The following ME1 variants were observed in gnomAD, a reference collection of about 807,000 sequenced individuals.
The protein encoded by ME1 is NADP-dependent malic enzyme.
Under a neutral mutation model 66.4 loss-of-function variants are expected in ME1, and 74 were observed. The ratio of observed to expected loss-of-function variants is 1.11; its 90% CI spans 0.92 to 1.35. ME1 has a LOEUF of 1.35. ME1 is among the 40% of genes most tolerant of loss of function. The pLI is 0.00. For missense variants in ME1, 750 were observed against 694.1 expected, an observed-to-expected ratio of 1.08 and a Z score of -0.90; for synonymous variants, 251 against 235.6, an observed-to-expected ratio of 1.07 and a Z score of -0.60.
At chr6:83,265,348 G>A (rs917959446) in intron 6 of ME1, among the ~76,000 whole-genome samples, 31 of 152,070 alleles carry the variant, frequency 2.0e-4, no homozygotes, top group Non-Finnish European at 4.4e-5. Flanking sequence ...CCAGACTGGA[G>A]TGCAGTGGCA....
At chr6:83,357,927 C>CTATA (rs1768924387) in intron 3 of ME1, among the ~76,000 whole-genome samples, 3 of 58,334 alleles carry the variant, frequency 5.1e-5, no homozygotes, top group Non-Finnish European at 6.9e-5. Flanking sequence ...CTCTCTCTCT[C>CTATA]TCTCTCTCTA....
chr6:83,319,885 T>C (rs1768118956), intron 5 of ME1, among the ~76,000 whole-genome samples: 1 of 152,228 alleles, frequency 6.6e-6, no homozygotes, highest in Non-Finnish European at 1.5e-5. Context: ...ATGGTGGTTA[T>C]TCTGTCCCTG....
chr6:83,237,669 A>T, intron 9 of ME1, 48 bp downstream of exon 9: 1 of 1,063,924 alleles, frequency 9.4e-7, no homozygotes, highest in Non-Finnish European at 1.4e-6. Context: ...ATGGCCATCC[A>T]GAATGGCATA....
At chr6:83,244,208 T>C (rs1410642765) in intron 7 of ME1, among the ~76,000 whole-genome samples, 1 of 151,798 alleles carries the variant, frequency 6.6e-6, no homozygotes. Flanking sequence ...AGAGAAGGAA[T>C]CCAAAGAGAC....
chr6:83,408,066 CTCAGTT>C (rs1044894858), intron 1 of ME1, among the ~76,000 whole-genome samples, 165 bp from the exon 2 acceptor site: 3 of 152,166 alleles, frequency 2.0e-5, no homozygotes, highest in African/African-American at 7.2e-5. Context: ...CTCTCCATAT[CTCAGTT>C]TCCCTATCTG....
At chr6:83,406,348 T>C (rs574787822) in intron 2 of ME1, among the ~76,000 whole-genome samples, 18 of 152,316 alleles carry the variant, frequency 1.2e-4, no homozygotes, top group African/African-American at 4.1e-4. Flanking sequence ...CTTCATAAAA[T>C]GAGTTAGGGA....
At chr6:83,385,119 AACTGTC>A (rs1395795246) in intron 3 of ME1, among the ~76,000 whole-genome samples, 1 of 151,942 alleles carries the variant, frequency 6.6e-6, no homozygotes, top group Non-Finnish European at 1.5e-5. Flanking sequence ...AGTTTTCAGT[AACTGTC>A]ACTGTTATTG....
intron 11 of ME1, among the ~76,000 whole-genome samples, 183 bp downstream of exon 11, chr6:83,227,152 G>T (rs1329454484): frequency 6.6e-6 from 1 of 152,076 alleles, no homozygotes; most frequent in African/African-American, 2.4e-5. Flanking sequence ...TTTTGTTGAA[G>T]AAGAGGATTT....
At chr6:83,428,971 C>T (rs904446786) in intron 1 of ME1, among the ~76,000 whole-genome samples, 10 of 152,068 alleles carry the variant, frequency 6.6e-5, no homozygotes, top group African/African-American at 2.4e-4. Flanking sequence ...ATTGTTATAT[C>T]ATAAATTCTT....
At position 83,224,698 on chromosome 6, in the gene ME1, T is replaced by A. The variant is rs199587469; in HGVS notation, c.1276-765A>T. ...GATTCCAGCTCAAAAAAAAAAAAAATAAAAATAATAATAATAATAAATAAA... is the reference window on the plus strand; with the variant it reads ...GATTCCAGCTCAAAAAAAAAAAAAAAAAAAATAATAATAATAATAAATAAA... On this transcript the variant is annotated intron_variant, in intron 11 of 13. Coordinates refer to ENST00000369705, the MANE Select transcript of ME1 (RefSeq NM_002395.6). Among the ~76,000 whole-genome samples the A allele has an allele frequency of 2.4e-3, 306 of 126,554 alleles. 1 individual carries two copies. The highest frequency in any genetic ancestry group is 4.1e-3 in the South Asian group (17 of 4,132). The allele number at this position is 126,554 out of a possible 152,430, so 83.0% of individuals were successfully genotyped here.
intron 6 of ME1, among the ~76,000 whole-genome samples, chr6:83,306,591 G>A (rs997027558): frequency 1.3e-5 from 2 of 152,022 alleles, no homozygotes; most frequent in Non-Finnish European, 2.9e-5. Flanking sequence ...CAAATCTTTA[G>A]TTTACTATAG....
intron 1 of ME1, among the ~76,000 whole-genome samples, chr6:83,424,537 C>T (rs950672152): frequency 6.6e-6 from 1 of 152,094 alleles, no homozygotes; most frequent in Non-Finnish European, 1.5e-5. Context: ...ATGGCCTAAA[C>T]ACAAAAATCA....
intron 4 of ME1, among the ~76,000 whole-genome samples, chr6:83,348,724 G>A (rs1312619427): frequency 4.0e-5 from 6 of 150,034 alleles, no homozygotes; most frequent in Admixed American, 6.7e-5. Flanking sequence ...AGTAGCTCAC[G>A]CTTATAATCC....
intron 6 of ME1, among the ~76,000 whole-genome samples, chr6:83,281,844 AAC>A (rs1767299235): frequency 2.9e-5 from 4 of 138,780 alleles, no homozygotes; most frequent in Non-Finnish European, 4.7e-5. Flanking sequence ...AAGAAAAGAA[AAC>A]AAAAAAGAGA....
chr6:83,303,602 A>G lies in ME1; in HGVS notation c.704+11708T>C, dbSNP rs186732939. Among the ~76,000 whole-genome samples the G allele has an allele frequency of 1.2e-4, 18 of 152,294 alleles. No individual in the cohort carries two copies. In the East Asian group the frequency reaches 3.1e-3, roughly 26 times the overall value. On this transcript the variant is annotated intron_variant, in intron 6 of 13. Transcript: ENST00000369705. ...CCTCTGGGTCAAATATATTGTGATGATCAATTTCAACTGACTCATAATGAT... is the reference window on the plus strand; with the variant it reads ...CCTCTGGGTCAAATATATTGTGATGGTCAATTTCAACTGACTCATAATGAT...
chr6:83,213,705 G>A (rs1228327760), intron 13 of ME1, among the ~76,000 whole-genome samples: 2 of 151,738 alleles, frequency 1.3e-5, no homozygotes, highest in Non-Finnish European at 2.9e-5. Flanking sequence ...TTATATGACT[G>A]ACTTATTTTG....
chr6:83,231,485 T>C, intron 9 of ME1, among the ~76,000 whole-genome samples: 1 of 152,160 alleles, frequency 6.6e-6, no homozygotes, highest in East Asian at 1.9e-4. Context: ...ACACACAAAA[T>C]GTCTCCCAAG....
Position 83,417,316 on chromosome 6 carries a change from G to T in ME1, c.79-9415C>A, listed in dbSNP as rs1770179933. Among the ~76,000 whole-genome samples the T allele has an allele frequency of 1.3e-5, 2 of 152,110 alleles. 1 individual carries two copies. Among genetic ancestry groups the T allele is most frequent in the South Asian group, 4.1e-4 (2 of 4,826 alleles). ...AGTCTTCCTCCCTTGGCCTCCCAAA[G>T]TGCTGGGATTACAGGAGCCACTGTG... On this transcript the variant is annotated intron_variant, in intron 1 of 13. Coordinates refer to ENST00000369705, the MANE Select transcript of ME1 (RefSeq NM_002395.6).
At position 83,424,467 on chromosome 6, in the gene ME1, C is replaced by A. The variant is rs115526052; in HGVS notation, c.78+6410G>T. Among the ~76,000 whole-genome samples, 40 of 152,164 alleles carry A rather than the reference C, an allele frequency of 2.6e-4. 1 individual carries two copies. The highest frequency in any genetic ancestry group is 9.4e-4 in the African/African-American group (39 of 41,516). ...GGAATGAAAAATAAGGGAACAGACACCTATGATATGATAGAAATCTGTTTA... is the reference window on the plus strand; with the variant it reads ...GGAATGAAAAATAAGGGAACAGACAACTATGATATGATAGAAATCTGTTTA... On this transcript the variant is annotated intron_variant, in intron 1 of 13. Coordinates refer to ENST00000369705, the MANE Select transcript of ME1 (RefSeq NM_002395.6).
Sources: allele counts gnomAD v4.1 joint callset (sites outside exome capture counted in the v4.1 genomes callset), GRCh38; gene constraint gnomAD v4.1.1; transcripts MANE v1.5; gene names NCBI Gene and HGNC (gene_info 2026-07-23, HGNC 2026-07-21).